CLYBL: variants seen among roughly 807,000 people sequenced by gnomAD.
CLYBL encodes citramalyl-CoA lyase.
A neutral mutation model predicts 38.9 loss-of-function variants in CLYBL; 31 were observed. That is an observed-to-expected ratio of 0.80 (90% CI 0.60 to 1.08). The LOEUF (loss-of-function observed/expected upper bound fraction) is 1.08, where lower values mean the gene tolerates loss of function less well. Among genes scored for constraint, CLYBL ranks in the 50% least tolerant of loss-of-function variants. The probability of loss-of-function intolerance (pLI) is 0.00; values close to 1 mark genes in which losing one functional copy is unlikely to be tolerated. For missense variants in CLYBL, 434 were observed against 411.6 expected (o/e 1.05, Z -0.47); for synonymous variants, 171 against 158.6 (o/e 1.08, Z -0.59).
intron 8 of CLYBL, among the ~76,000 whole-genome samples, chr13:99,904,325 T>G (rs1199716913): frequency 6.6e-6 from 1 of 152,168 alleles, no homozygotes; most frequent in South Asian, 2.1e-4. Context: ...CCCCTTCCAT[T>G]TGCAGTCAAA....
intron 1 of CLYBL, among the ~76,000 whole-genome samples, chr13:99,716,436 T>G (rs1035945032): frequency 1.3e-5 from 2 of 149,942 alleles, no homozygotes; most frequent in Non-Finnish European, 1.5e-5. Flanking sequence ...CAGACTGGAG[T>G]GCAATGGCGC....
At chr13:99,769,772 A>T (rs1046949499) in intron 1 of CLYBL, among the ~76,000 whole-genome samples, 2 of 152,216 alleles carry the variant, frequency 1.3e-5, no homozygotes, top group African/African-American at 4.8e-5. Context: ...TGGCAAAATA[A>T]GACCCAGACT....
At chr13:99,682,059 T>C (rs2047742908) in intron 1 of CLYBL, among the ~76,000 whole-genome samples, 1 of 152,214 alleles carries the variant, frequency 6.6e-6, no homozygotes, top group African/African-American at 2.4e-5. Flanking sequence ...GTGGTATGGC[T>C]TATTGCCCCT....
intron 1 of CLYBL, among the ~76,000 whole-genome samples, chr13:99,638,627 A>G (rs1038551718): frequency 8.5e-5 from 13 of 152,244 alleles, no homozygotes; most frequent in African/African-American, 2.7e-4. Context: ...AGAGCTTACT[A>G]TGCTCTGGGC....
intron 1 of CLYBL, among the ~76,000 whole-genome samples, chr13:99,618,418 G>A (rs559183495): frequency 8.6e-5 from 13 of 151,922 alleles, no homozygotes; most frequent in African/African-American, 2.7e-4. Flanking sequence ...ACAGGTGCCC[G>A]CCACCACGCC....
intron 1 of CLYBL, among the ~76,000 whole-genome samples, chr13:99,633,868 G>A (rs1669933969): frequency 6.6e-6 from 1 of 152,122 alleles, no homozygotes; most frequent in Admixed American, 6.5e-5. Flanking sequence ...TTGAAGAAAA[G>A]CAAATAGAGC....
chr13:99,860,282 A>C (rs988167515), intron 3 of CLYBL, among the ~76,000 whole-genome samples: 1 of 152,174 alleles, frequency 6.6e-6, no homozygotes, highest in Non-Finnish European at 1.5e-5. Flanking sequence ...ATACTATTAA[A>C]ATTAAATTCA....
intron 2 of CLYBL, among the ~76,000 whole-genome samples, chr13:99,850,252 A>C (rs1197073051): frequency 1.3e-5 from 2 of 152,228 alleles, no homozygotes; most frequent in African/African-American, 4.8e-5. Context: ...CTATCTGGTA[A>C]GGATTTGATA....
chr13:99,817,957 TCA>T (rs1165170817), intron 2 of CLYBL, among the ~76,000 whole-genome samples: 8 of 150,662 alleles, frequency 5.3e-5, no homozygotes, highest in Non-Finnish European at 1.0e-4. Flanking sequence ...TAAGCTGTGA[TCA>T]CACCACTGCA....
At chr13:99,728,410 C>G (rs1319767169) in intron 1 of CLYBL, among the ~76,000 whole-genome samples, 1 of 151,598 alleles carries the variant, frequency 6.6e-6, no homozygotes, top group Non-Finnish European at 1.5e-5. Flanking sequence ...TCCCGAGTAG[C>G]AGAGACTACG....
intron 7 of CLYBL, among the ~76,000 whole-genome samples, chr13:99,877,852 G>A (rs997589207): frequency 6.6e-6 from 1 of 152,042 alleles, no homozygotes; most frequent in Non-Finnish European, 1.5e-5. Context: ...GATTACAGGC[G>A]TAAGCCACCG....
At position 99,713,064 on chromosome 13, in the gene CLYBL, A is replaced by G. The variant is rs1025636951; in HGVS notation, c.63-59760A>G. Among the ~76,000 whole-genome samples, 5 of 152,148 alleles carry G rather than the reference A, an allele frequency of 3.3e-5. No individual in the cohort carries two copies. In the South Asian group the frequency reaches 8.3e-4, roughly 25 times the overall value. ...CATTTTCCCTAAGAATGTTAAAGGC[A>G]TTGCTCCCTTTTTTGCTTCTAATGC... On this transcript the variant is annotated intron_variant, in intron 1 of 8. Coordinates refer to ENST00000339105, the MANE Select transcript of CLYBL (RefSeq NM_206808.5).
At chr13:99,620,838 A>AAAAG (rs148925117) in intron 1 of CLYBL, among the ~76,000 whole-genome samples, 1 of 143,096 alleles carries the variant, frequency 7.0e-6, no homozygotes, top group Non-Finnish European at 1.5e-5. Flanking sequence ...GAAAGAAAGA[A>AAAAG]AAAGAAAGAA....
chr13:99,900,647 C>T (rs1449474985), downstream of CLYBL, among the ~76,000 whole-genome samples: 1 of 152,140 alleles, frequency 6.6e-6, no homozygotes, highest in Non-Finnish European at 1.5e-5. Context: ...CCAAGACTAC[C>T]ACTAAACTCT....
At position 99,874,482 on chromosome 13, in the gene CLYBL, ATTC is replaced by A. The variant is rs1488279533; in HGVS notation, c.927+3424_927+3426del. On this transcript the variant is annotated intron_variant, in intron 7 of 8. Coordinates refer to ENST00000339105, the MANE Select transcript of CLYBL (RefSeq NM_206808.5). ...ATGGTGATTCCATTAATATTTGAAA[ATTC>A]TTCATTCAGAACTGAATTTAATATG... 2.0e-5 allele frequency among the ~76,000 whole-genome samples: 3 copies of A among 152,134 alleles called. No homozygotes were observed. The East Asian group carries it at 5.8e-4, about 29-fold the overall frequency.
downstream of CLYBL, among the ~76,000 whole-genome samples, chr13:99,897,527 G>A (rs748149632): frequency 1.3e-5 from 2 of 152,208 alleles, no homozygotes; most frequent in Non-Finnish European, 2.9e-5. Flanking sequence ...TCACCAGGAT[G>A]GGTGTAAGAC....
intron 1 of CLYBL, among the ~76,000 whole-genome samples, chr13:99,721,339 C>T (rs955302639): frequency 1.3e-5 from 2 of 152,022 alleles, no homozygotes; most frequent in Non-Finnish European, 2.9e-5. Flanking sequence ...CCATGACTCC[C>T]GGCCCCTAAT....
chr13:99,626,180 C>G (rs2046866959), intron 1 of CLYBL, among the ~76,000 whole-genome samples: 1 of 152,188 alleles, frequency 6.6e-6, no homozygotes, highest in East Asian at 1.9e-4. Context: ...TGGAGGGCAC[C>G]TGGATCATTC....
chr13:99,828,943 C>T (rs1333339605), intron 2 of CLYBL, among the ~76,000 whole-genome samples: 1 of 152,156 alleles, frequency 6.6e-6, no homozygotes, highest in Non-Finnish European at 1.5e-5. Flanking sequence ...CCTAGATTGG[C>T]AGGGATTCCT....
Sources: allele counts gnomAD v4.1 joint callset (sites outside exome capture counted in the v4.1 genomes callset), GRCh38; gene constraint gnomAD v4.1.1; transcripts MANE v1.5; gene names NCBI Gene and HGNC (gene_info 2026-07-23, HGNC 2026-07-21).